GNA14: variants seen among roughly 807,000 people sequenced by gnomAD.
GNA14 encodes the protein guanine nucleotide-binding protein subunit alpha-14.
A neutral mutation model predicts 42.0 loss-of-function variants in GNA14; 50 were observed. The observed-to-expected ratio is 1.19, with a 90% CI of 0.95 to 1.51. GNA14 has a LOEUF of 1.51. GNA14 is among the 40% of genes most tolerant of loss of function. The pLI, the probability that GNA14 is intolerant of heterozygous loss-of-function variation, is 0.00. For synonymous variants in GNA14, 173 were observed against 163.1 expected (o/e 1.06, Z -0.46); for missense variants, 473 against 446.2 (o/e 1.06, Z -0.54).
At chr9:77,543,130 G>A (rs970095476) in intron 1 of GNA14, among the ~76,000 whole-genome samples, 1 of 152,230 alleles carries the variant, frequency 6.6e-6, no homozygotes, top group African/African-American at 2.4e-5. Context: ...GATAGTGCCT[G>A]GCCTCTCCTC....
chr9:77,615,928 TTTGTTG>T (rs147640630), intron 1 of GNA14, among the ~76,000 whole-genome samples: 6 of 151,548 alleles, frequency 4.0e-5, no homozygotes, highest in African/African-American at 1.2e-4. Context: ...GAGCAAGATT[TTTGTTG>T]TTGTTGTTGT....
intron 2 of GNA14, among the ~76,000 whole-genome samples, chr9:77,514,204 C>T (rs1380601998): frequency 6.6e-6 from 1 of 152,146 alleles, no homozygotes; most frequent in African/African-American, 2.4e-5. Context: ...AAAAGACAAA[C>T]ATGGCCATGT....
At chr9:77,589,713 T>C (rs1273478756) in intron 1 of GNA14, among the ~76,000 whole-genome samples, 1 of 151,874 alleles carries the variant, frequency 6.6e-6, no homozygotes, top group Non-Finnish European at 1.5e-5. Context: ...ATAGCCAGAG[T>C]TGCCTGCAAA....
intron 2 of GNA14, among the ~76,000 whole-genome samples, chr9:77,527,617 C>A (rs1023378702): frequency 1.3e-5 from 2 of 152,146 alleles, no homozygotes; most frequent in African/African-American, 4.8e-5. Flanking sequence ...GGCTAATTCA[C>A]CCCACACAAT....
intron 2 of GNA14, among the ~76,000 whole-genome samples, chr9:77,488,784 TAAAAAAAAAAAAAA>T (rs67416479): frequency 3.3e-3 from 178 of 53,708 alleles, no homozygotes; most frequent in Admixed American, 7.3e-3. Context: ...CACACCTAAT[TAAAAAAAAAAAAAA>T]AAAAAAAAAA....
chr9:77,596,407 AC>A (rs940194042), intron 1 of GNA14, among the ~76,000 whole-genome samples: 1 of 152,042 alleles, frequency 6.6e-6, no homozygotes, highest in Non-Finnish European at 1.5e-5. Context: ...TTGTTGTTTT[AC>A]CTAGGATTAG....
In GNA14 at chr9:77,618,596, A is replaced by ATATATATGTATG. The variant is rs1554703804; in HGVS notation, c.124+29073_124+29074insCATACATATATA. 1.0e-3 allele frequency among the ~76,000 whole-genome samples: 15 copies of ATATATATGTATG among 14,378 alleles called. 2 individuals carry two copies. The highest frequency in any genetic ancestry group is 3.0e-3 in the African/African-American group (14 of 4,664). 9.4% of individuals were successfully genotyped at this position (14,378 alleles called of 152,430 possible). ...ATTACATTTGAATATATATATATAT[A>ATATATATGTATG]TATATATATATATATATATATATAT... On this transcript the variant is annotated intron_variant, in intron 1 of 6. Coordinates refer to ENST00000341700, the MANE Select transcript of GNA14 (RefSeq NM_004297.4).
At chr9:77,466,613 G>T (rs1836231769) in intron 2 of GNA14, among the ~76,000 whole-genome samples, 1 of 146,586 alleles carries the variant, frequency 6.8e-6, no homozygotes, top group Non-Finnish European at 1.5e-5. Flanking sequence ...TTCCAAGCCT[G>T]TTTTTTGTTT....
At chr9:77,576,045 T>C (rs1823123744) in intron 1 of GNA14, among the ~76,000 whole-genome samples, 1 of 152,240 alleles carries the variant, frequency 6.6e-6, no homozygotes, top group African/African-American at 2.4e-5. Context: ...ATGGTGAGCA[T>C]TTATTATTGT....
At chr9:77,609,997 T>C (rs1275429217) in intron 1 of GNA14, among the ~76,000 whole-genome samples, 2 of 152,174 alleles carry the variant, frequency 1.3e-5, no homozygotes, top group Non-Finnish European at 2.9e-5. Context: ...CAGAAGATAT[T>C]AAAAGTCAAC....
chr9:77,545,411 T>C (rs959654757), intron 1 of GNA14, among the ~76,000 whole-genome samples: 1 of 152,258 alleles, frequency 6.6e-6, no homozygotes, highest in Non-Finnish European at 1.5e-5. Flanking sequence ...CTCAGAATTC[T>C]GTCAGAATAT....
rs181066673 is a variant in GNA14, at chr9:77,647,909, G to T, written c.-116C>A. On this transcript the variant is annotated 5_prime_UTR_variant, in exon 1 of 7. Coordinates refer to ENST00000341700, the MANE Select transcript of GNA14 (RefSeq NM_004297.4). ...CACAGGGGTGTGGAAAGAAAAGACGGGGGCCGACTTGAGCTTTGGAGTAAG... is the reference window on the plus strand; with the variant it reads ...CACAGGGGTGTGGAAAGAAAAGACGTGGGCCGACTTGAGCTTTGGAGTAAG... 2.2e-4 allele frequency: 282 copies of T among 1,258,688 alleles called. 1 individual carries two copies. The African/African-American group carries it at 3.5e-3, about 16-fold the overall frequency. The allele number at this position is 1,258,688 out of a possible 1,614,324, so 78.0% of individuals were successfully genotyped here. A position where few individuals can be genotyped will look rare whatever the true frequency, so the allele number is the denominator to read the frequency against.
At chr9:77,434,712 G>T (rs1835615338) in intron 2 of GNA14, among the ~76,000 whole-genome samples, 190 bp from the exon 3 acceptor site, 1 of 152,158 alleles carries the variant, frequency 6.6e-6, no homozygotes, top group African/African-American at 2.4e-5. Flanking sequence ...TGGAGATGAG[G>T]TGGCTGCTTA....
intron 1 of GNA14, among the ~76,000 whole-genome samples, chr9:77,561,188 C>G (rs1438934073): frequency 6.6e-6 from 1 of 152,176 alleles, no homozygotes; most frequent in African/African-American, 2.4e-5. Flanking sequence ...CTCTAGACCT[C>G]TACAGACCCC....
At chr9:77,505,857 C>CT (rs935314523) in intron 2 of GNA14, among the ~76,000 whole-genome samples, 53 of 151,982 alleles carry the variant, frequency 3.5e-4, no homozygotes, top group Admixed American at 9.8e-4. Flanking sequence ...ATATATTTTC[C>CT]TTTTTTTGGT....
At chr9:77,587,758 C>T (rs918493757) in intron 1 of GNA14, among the ~76,000 whole-genome samples, 6 of 152,208 alleles carry the variant, frequency 3.9e-5, no homozygotes, top group African/African-American at 9.7e-5. Flanking sequence ...GAATTGTTTG[C>T]TTTAAAATGG....
chr9:77,563,776 T>C (rs944898497), intron 1 of GNA14, among the ~76,000 whole-genome samples: 2 of 152,170 alleles, frequency 1.3e-5, no homozygotes, highest in African/African-American at 4.8e-5. Flanking sequence ...CCCAAGAATC[T>C]AAGAGAATAA....
chr9:77,619,868 A>G (rs1409936103), intron 1 of GNA14, among the ~76,000 whole-genome samples: 3 of 152,208 alleles, frequency 2.0e-5, no homozygotes, highest in African/African-American at 7.2e-5. Context: ...TAATTCTGCA[A>G]TTAGAAGTAC....
chr9:77,428,071 C>CTTTTTTTCT (rs1835479877), intron 5 of GNA14, among the ~76,000 whole-genome samples: 1 of 130,676 alleles, frequency 7.7e-6, no homozygotes, highest in African/African-American at 2.9e-5. Context: ...GGCATTTTTT[C>CTTTTTTTCT]TTTTTTTTTT....
Sources: gnomAD v4.1 joint callset for allele counts (sites outside exome capture counted in the v4.1 genomes callset) on GRCh38, gnomAD v4.1.1 for gene constraint, MANE v1.5 for transcripts, NCBI Gene and HGNC (gene_info 2026-07-23, HGNC 2026-07-21) for gene names.